DCBLD2: variants seen among roughly 807,000 people sequenced by gnomAD.
DCBLD2 encodes discoidin, CUB and LCCL domain-containing protein 2.
In DCBLD2, 54 loss-of-function variants were observed where a neutral mutation model predicts 86.8. The ratio of observed to expected loss-of-function variants is 0.62; its 90% confidence interval spans 0.50 to 0.78. The LOEUF is 0.78. DCBLD2 is among the 30% of genes least tolerant of loss of function. DCBLD2 has a pLI of 0.00. For missense variants in DCBLD2, 908 were observed against 954.2 expected (o/e 0.95, Z 0.64); for synonymous variants, 354 against 341.3 (o/e 1.04, Z -0.41).
chr3:98,876,412 T>TAAAAAAAAAAA (rs60681986), intron 2 of DCBLD2, among the ~76,000 whole-genome samples: 7 of 47,528 alleles, frequency 1.5e-4, no homozygotes, highest in African/African-American at 4.3e-4. Flanking sequence ...AGATAAAAAG[T>TAAAAAAAAAAA]AAAAAAAAAA....
At chr3:98,801,710 C>T in intron 13 of DCBLD2, 61 bp from the exon 14 acceptor site, 1 of 1,322,746 alleles carries the variant, frequency 7.6e-7, no homozygotes, top group Non-Finnish European at 1.1e-6. Context: ...GCCTGCTCCC[C>T]CTACCCCATG....
chr3:98,874,422 A>G (rs182431568), intron 2 of DCBLD2, among the ~76,000 whole-genome samples: 31 of 152,336 alleles, frequency 2.0e-4, no homozygotes, highest in African/African-American at 7.2e-4. Flanking sequence ...AGTTATTTCA[A>G]TATTAGGGAA....
intron 2 of DCBLD2, among the ~76,000 whole-genome samples, chr3:98,858,243 C>T (rs962716310): frequency 6.6e-6 from 1 of 152,368 alleles, no homozygotes; most frequent in Non-Finnish European, 1.5e-5. Flanking sequence ...AGCCCACACA[C>T]ACCCAGAACT....
intron 3 of DCBLD2, among the ~76,000 whole-genome samples, chr3:98,838,801 T>G (rs1171652409): frequency 6.6e-6 from 1 of 152,036 alleles, no homozygotes; most frequent in East Asian, 1.9e-4. Flanking sequence ...TCCCGGCACC[T>G]CGGGAGGCTG....
rs1941671558 is a variant in DCBLD2, at chr3:98,799,376, AG to A, written c.2323del (p.Leu775PhefsTer13). 1 of 1,603,412 alleles carries A rather than the reference AG, an allele frequency of 6.2e-7. No individual in the cohort carries two copies. ...TTGTAAAAAGCAGCATCATCTTCAA[AG>A]GATTTCTTTAAAAACATCACATTCC... ...DGECDVFKEI[L>X] On this transcript the variant is annotated frameshift_variant, in exon 16 of 16. Coordinates refer to ENST00000326840, the MANE Select transcript of DCBLD2 (RefSeq NM_080927.4). LOFTEE classifies it high-confidence loss of function.
At chr3:98,855,260 G>A (rs1237874044) in intron 2 of DCBLD2, among the ~76,000 whole-genome samples, 1 of 152,074 alleles carries the variant, frequency 6.6e-6, no homozygotes, top group African/African-American at 2.4e-5. Flanking sequence ...CAGCTATCAA[G>A]GAAATACAAA....
chr3:98,871,086 C>T (rs1285866570), intron 2 of DCBLD2, among the ~76,000 whole-genome samples: 2 of 150,300 alleles, frequency 1.3e-5, no homozygotes, highest in African/African-American at 4.9e-5. Flanking sequence ...TTTGATTCTG[C>T]TTGGTCATTA....
intron 3 of DCBLD2, among the ~76,000 whole-genome samples, chr3:98,848,164 C>T (rs1199564986): frequency 3.9e-5 from 6 of 152,094 alleles, no homozygotes; most frequent in East Asian, 1.9e-4. Flanking sequence ...TTGTTCCCCT[C>T]TATATGTCCA....
intron 1 of DCBLD2, among the ~76,000 whole-genome samples, chr3:98,898,313 G>T (rs73138082): frequency 0.13 from 18,883 of 150,864 alleles, 1,282 homozygotes; most frequent in Middle Eastern, 0.18. Context: ...GACATTAATT[G>T]GAATGAAGGT....
At chr3:98,857,105 C>T (rs984162248) in intron 2 of DCBLD2, among the ~76,000 whole-genome samples, 1 of 152,124 alleles carries the variant, frequency 6.6e-6, no homozygotes, top group Non-Finnish European at 1.5e-5. Flanking sequence ...CTGGTGGGTT[C>T]GTGGTCTCAC....
At chr3:98,837,922 A>AC (rs1215838361) in intron 3 of DCBLD2, among the ~76,000 whole-genome samples, 1,023 of 44,724 alleles carry the variant, frequency 0.023, 4 homozygotes, top group African/African-American at 0.025. Flanking sequence ...GGGGGTGCTG[A>AC]CCCCCCCATC....
chr3:98,825,426 T>TC, intron 3 of DCBLD2, 60 bp from the exon 4 acceptor site: 1 of 1,271,952 alleles, frequency 7.9e-7, no homozygotes, highest in Non-Finnish European at 1.1e-6. Context: ...TTGCTGAAAC[T>TC]CCAAGTGTCT....
intron 13 of DCBLD2, chr3:98,801,921 T>A (rs1438833054): frequency 1.6e-5 from 5 of 304,068 alleles, no homozygotes; most frequent in Non-Finnish European, 2.5e-5. Context: ...TTCCATGGTG[T>A]ATATGTGCCA....
chr3:98,814,333 C>G (rs1941987092), intron 9 of DCBLD2: 1 of 152,144 alleles, frequency 6.6e-6, no homozygotes, highest in Non-Finnish European at 1.5e-5. Context: ...GGGACGATAA[C>G]AAATCATTAC....
chr3:98,816,424 C>G (rs1221726654), intron 9 of DCBLD2: 1 of 151,900 alleles, frequency 6.6e-6, no homozygotes, highest in Non-Finnish European at 1.5e-5. Flanking sequence ...ATTCCACAAG[C>G]AAAATAAATG....
intron 1 of DCBLD2, among the ~76,000 whole-genome samples, chr3:98,887,990 A>G (rs527455411): frequency 1.8e-4 from 27 of 151,118 alleles, no homozygotes; most frequent in Middle Eastern, 3.4e-3. Context: ...GCTCATCTCT[A>G]CCTCCCCCAA....
chr3:98,874,200 A>C (rs1306820007), intron 2 of DCBLD2, among the ~76,000 whole-genome samples: 2 of 152,220 alleles, frequency 1.3e-5, no homozygotes, highest in African/African-American at 4.8e-5. Flanking sequence ...TTTTCCAGAG[A>C]ACTAAAAAGA....
In DCBLD2 at chr3:98,839,175, T is replaced by TC. The variant is rs1553727062; in HGVS notation, c.571+10285dup. Among the ~76,000 whole-genome samples the TC allele has an allele frequency of 2.1e-3, 214 of 101,610 alleles. 3 individuals are homozygous for TC. Among genetic ancestry groups the TC allele is most frequent in the South Asian group, 7.9e-3 (22 of 2,774 alleles). 66.7% of individuals were successfully genotyped at this position (101,610 alleles called of 152,430 possible). A position where few individuals can be genotyped will look rare whatever the true frequency, so the allele number is the denominator to read the frequency against. The stretch of plus-strand genomic sequence containing the variant: ...TCTTTCTTTCTTTCTTTCTTTCCTT[T>TC]CTTTCTTCCTTCCTTCCTTCCTTCC... On this transcript the variant is annotated intron_variant, in intron 3 of 15. Coordinates refer to ENST00000326840, the MANE Select transcript of DCBLD2 (RefSeq NM_080927.4).
At chr3:98,897,000 T>C (rs928418806) in intron 1 of DCBLD2, among the ~76,000 whole-genome samples, 2 of 152,234 alleles carry the variant, frequency 1.3e-5, no homozygotes, top group African/African-American at 2.4e-5. Flanking sequence ...AGTGTAGTCC[T>C]AAATTTAAAT....
Sources: allele counts gnomAD v4.1 joint callset (sites outside exome capture counted in the v4.1 genomes callset), GRCh38; gene constraint gnomAD v4.1.1; transcripts MANE v1.5; gene names NCBI Gene and HGNC (gene_info 2026-07-23, HGNC 2026-07-21).